The following KCNIP1 variants were observed in gnomAD, a reference collection of about 807,000 sequenced individuals.
KCNIP1 encodes potassium voltage-gated channel interacting protein 1, also known as A-type potassium channel modulatory protein KCNIP1.
KCNIP1 carries 18 observed loss-of-function variants against 33.0 expected under a neutral mutation model. The ratio of observed to expected loss-of-function variants is 0.55; its 90% confidence interval spans 0.38 to 0.81. KCNIP1 has a LOEUF of 0.81. Ranked by LOEUF, KCNIP1 falls within the 30% of genes least tolerant of loss-of-function variation. The probability of loss-of-function intolerance (pLI) is 0.00; values close to 1 mark genes in which losing one functional copy is unlikely to be tolerated. For synonymous variants in KCNIP1, 93 were observed against 98.3 expected (o/e 0.95, Z 0.32); for missense variants, 238 against 271.6 (o/e 0.88, Z 0.87).
chr5:170,465,580 T>C (rs6883589), intron 1 of KCNIP1, among the ~76,000 whole-genome samples: 129,022 of 152,220 alleles, frequency 0.85, 55,192 homozygotes, highest in African/African-American at 0.96. Flanking sequence ...TACTTCCTAA[T>C]CTCAAGGGAC....
intron 1 of KCNIP1, among the ~76,000 whole-genome samples, chr5:170,646,698 A>G (rs565037133): frequency 6.6e-6 from 1 of 152,118 alleles, no homozygotes; most frequent in East Asian, 1.9e-4. Context: ...GTCCCCTCTC[A>G]CTCCTCCTTT....
At position 170,722,707 on chromosome 5, in the gene KCNIP1, T is replaced by C. The variant is rs373526852; in HGVS notation, c.328-6T>C. On this transcript the variant is annotated splice_region_variant and splice_polypyrimidine_tract_variant and intron_variant, in intron 4 of 7. Transcript: ENST00000328939. ...TTAATGTCACTCTGCCTTTTCCCCT[T>C]CTCAGGACTTTGTAACCGCTCTGTC... is the stretch of plus-strand genomic sequence containing the variant. 3 of 1,599,560 alleles carry C rather than the reference T, an allele frequency of 1.9e-6. No individual in the cohort carries two copies. The African/African-American group carries it at 4.0e-5, about 21-fold the overall frequency.
At chr5:170,390,973 G>A (rs1229313683) in intron 1 of KCNIP1, among the ~76,000 whole-genome samples, 2 of 152,106 alleles carry the variant, frequency 1.3e-5, no homozygotes, top group African/African-American at 2.4e-5. Flanking sequence ...ACTCTCAGGC[G>A]GTGAGTGCCC....
intron 1 of KCNIP1, among the ~76,000 whole-genome samples, chr5:170,447,200 C>G (rs566338918): frequency 5.9e-5 from 9 of 152,216 alleles, no homozygotes; most frequent in Admixed American, 5.2e-4. Flanking sequence ...GCTCCTACTG[C>G]AAGAGAGAGG....
intron 1 of KCNIP1, among the ~76,000 whole-genome samples, chr5:170,438,394 TC>T (rs1406187953): frequency 6.6e-6 from 1 of 152,200 alleles, no homozygotes; most frequent in African/African-American, 2.4e-5. Context: ...GAGGAGGGTC[TC>T]CTGTCCTAGG....
At chr5:170,451,770 T>TGTGTGTGTGTGTGTG (rs1215207951) in intron 1 of KCNIP1, among the ~76,000 whole-genome samples, 71 of 147,694 alleles carry the variant, frequency 4.8e-4, no homozygotes, top group African/African-American at 7.5e-4. Context: ...TGTGTGTGTG[T>TGTGTGTGTGTGTGTG]TTGCAGGGGG....
chr5:170,612,827 G>A (rs1472493989), intron 1 of KCNIP1, among the ~76,000 whole-genome samples: 1 of 152,048 alleles, frequency 6.6e-6, no homozygotes, highest in Non-Finnish European at 1.5e-5. Context: ...TCCCCCAAGT[G>A]GGGCAGGCTA....
At chr5:170,529,520 G>A (rs905409079) in intron 1 of KCNIP1, among the ~76,000 whole-genome samples, 1 of 152,216 alleles carries the variant, frequency 6.6e-6, no homozygotes. Context: ...AACAAAATAT[G>A]TTACTGCCTT....
chr5:170,583,493 G>T (rs1757874294), intron 1 of KCNIP1, among the ~76,000 whole-genome samples: 1 of 152,100 alleles, frequency 6.6e-6, no homozygotes, highest in African/African-American at 2.4e-5. Context: ...AGCCCTCATG[G>T]GTCTTGGAAA....
At chr5:170,681,426 G>C in intron 1 of KCNIP1, 1 of 312,142 alleles carries the variant, frequency 3.2e-6, no homozygotes, top group Non-Finnish European at 5.8e-6. Flanking sequence ...TCCTGCTCCG[G>C]CCCTATGAGC....
chr5:170,472,481 T>C (rs1177245389), intron 1 of KCNIP1, among the ~76,000 whole-genome samples: 1 of 152,220 alleles, frequency 6.6e-6, no homozygotes, highest in Non-Finnish European at 1.5e-5. Flanking sequence ...TTTGGTTACA[T>C]GAGTAAGTTC....
chr5:170,709,611 T>C (rs1236090868), intron 1 of KCNIP1, among the ~76,000 whole-genome samples: 1 of 152,220 alleles, frequency 6.6e-6, no homozygotes. Context: ...TATTTTTTAA[T>C]TTTTCAGTGG....
intron 1 of KCNIP1, among the ~76,000 whole-genome samples, chr5:170,605,064 G>A (rs551677291): frequency 2.0e-5 from 3 of 152,278 alleles, no homozygotes; most frequent in East Asian, 1.9e-4. Context: ...CCTGGGCTTC[G>A]CAGGCCAACT....
intron 1 of KCNIP1, among the ~76,000 whole-genome samples, chr5:170,713,074 G>C (rs1219656158): frequency 6.6e-6 from 1 of 152,196 alleles, no homozygotes; most frequent in Non-Finnish European, 1.5e-5. Flanking sequence ...GAAAAGCTTT[G>C]CTCCCCGTAA....
At chr5:170,627,164 A>G (rs1759864060) in intron 1 of KCNIP1, among the ~76,000 whole-genome samples, 1 of 152,120 alleles carries the variant, frequency 6.6e-6, no homozygotes, top group South Asian at 2.1e-4. Context: ...GCTTTTGGGA[A>G]CAGGAGCTGG....
In KCNIP1 at chr5:170,543,586, T is replaced by C. The variant is rs181229700; in HGVS notation, c.61+38953T>C. 1.6e-3 allele frequency among the ~76,000 whole-genome samples: 245 copies of C among 152,338 alleles called. 1 individual carries two copies. Among genetic ancestry groups the C allele is most frequent in the African/African-American group, 5.6e-3 (232 of 41,580 alleles). ...CTAACAGTTTTGATTTTGTTTGACT[T>C]TCACAGCACAATAAATAAAGAGGGT... On this transcript the variant is annotated intron_variant, in intron 1 of 7. Transcript: ENST00000328939.
chr5:170,469,701 C>T (rs1156521508), intron 1 of KCNIP1, among the ~76,000 whole-genome samples: 1 of 152,186 alleles, frequency 6.6e-6, no homozygotes, highest in Non-Finnish European at 1.5e-5. Flanking sequence ...AACACGTGAG[C>T]CATCTTTTCC....
At chr5:170,591,231 C>T (rs1399650501) in intron 1 of KCNIP1, among the ~76,000 whole-genome samples, 1 of 152,212 alleles carries the variant, frequency 6.6e-6, no homozygotes, top group Non-Finnish European at 1.5e-5. Context: ...ACCTCTAGCA[C>T]AGCACAGATC....
chr5:170,638,821 C>T (rs1760403807), intron 1 of KCNIP1, among the ~76,000 whole-genome samples: 1 of 152,240 alleles, frequency 6.6e-6, no homozygotes, highest in African/African-American at 2.4e-5. Flanking sequence ...CCCTCCTCCT[C>T]TCCCGAATCT....
Sources: gnomAD v4.1 joint callset for allele counts (sites outside exome capture counted in the v4.1 genomes callset) on GRCh38, gnomAD v4.1.1 for gene constraint, MANE v1.5 for transcripts, NCBI Gene and HGNC (gene_info 2026-07-23, HGNC 2026-07-21) for gene names.